Variants in SERPINB5 observed in about 807,000 individuals in gnomAD.
The protein encoded by SERPINB5 is serpin B5.
In SERPINB5, 27 loss-of-function variants were observed where a neutral mutation model predicts 32.2. The ratio of observed to expected loss-of-function variants is 0.84; its 90% CI spans 0.62 to 1.16. SERPINB5 has a LOEUF of 1.16. Ranked by LOEUF, SERPINB5 falls within the 50% of genes most tolerant of loss-of-function variation. The probability of loss-of-function intolerance (pLI) is 0.00; values close to 1 mark genes in which losing one functional copy is unlikely to be tolerated. For synonymous variants in SERPINB5, 154 were observed against 157.4 expected (o/e 0.98, Z 0.16); for missense variants, 388 against 436.3 (o/e 0.89, Z 0.99).
At chr18:63,502,127 T>A (rs1322687387) in intron 6 of SERPINB5, among the ~76,000 whole-genome samples, 3 of 145,700 alleles carry the variant, frequency 2.1e-5, no homozygotes, top group African/African-American at 7.7e-5. Context: ...CCTTTTGAGT[T>A]TTGGAAATGA....
intron 1 of SERPINB5, among the ~76,000 whole-genome samples, chr18:63,478,421 T>C (rs1189286428): frequency 1.3e-5 from 2 of 152,260 alleles, no homozygotes; most frequent in Non-Finnish European, 2.9e-5. Flanking sequence ...AGCTGTATTG[T>C]ACTTTCTTGC....
At chr18:63,497,005 C>A in intron 5 of SERPINB5, 1 of 528,786 alleles carries the variant, frequency 1.9e-6, no homozygotes, top group Non-Finnish European at 3.7e-6. Context: ...CCCACCGGGG[C>A]ATTACTTATT....
chr18:63,490,483 G>A (rs1404188243), intron 4 of SERPINB5: 1 of 152,216 alleles, frequency 6.6e-6, no homozygotes, highest in African/African-American at 2.4e-5. Context: ...TGCATCTGGA[G>A]GGACCCGTTG....
chr18:63,480,718 T>G lies in SERPINB5; in HGVS notation c.-8+3673T>G, dbSNP rs978777717. Among the ~76,000 whole-genome samples the G allele has an allele frequency of 2.0e-5, 3 of 152,236 alleles. No homozygotes were observed. The South Asian group carries it at 6.2e-4, about 31-fold the overall frequency. ...GCTACCTCAGACCAGATCAACTTTA[T>G]AGTGTTTTTAGGTCACTTGGGACTA... On this transcript the variant is annotated intron_variant, in intron 1 of 6. Transcript: ENST00000382771.
chr18:63,497,385 C>A (rs566865799), intron 5 of SERPINB5: 3 of 1,261,634 alleles, frequency 2.4e-6, no homozygotes, highest in Non-Finnish European at 3.4e-6. Context: ...CCTTCCTTAT[C>A]CTCTTCGCCA....
At chr18:63,486,320 T>G (rs1474411497) in intron 2 of SERPINB5, among the ~76,000 whole-genome samples, 1 of 152,088 alleles carries the variant, frequency 6.6e-6, no homozygotes, top group Non-Finnish European at 1.5e-5. Flanking sequence ...CCACCATTTA[T>G]TGTAGCTGCC....
chr18:63,490,794 A>T (rs1026538807), intron 4 of SERPINB5: 1 of 152,328 alleles, frequency 6.6e-6, no homozygotes, highest in South Asian at 2.1e-4. Flanking sequence ...AATGAGGCAC[A>T]TGTTACCTGA....
chr18:63,503,657 A>G lies in SERPINB5; in HGVS notation c.1063A>G (p.Ile355Val), dbSNP rs1909618230. 28 of 1,614,170 alleles carry G rather than the reference A, an allele frequency of 1.7e-5. No homozygotes were observed. The highest frequency in any genetic ancestry group is 2.4e-5 in the Non-Finnish European group (28 of 1,180,008). Reference protein sequence around the residue: ...KDELNADHPFIYIIRHNKTRN... With the variant: ...KDELNADHPFVYIIRHNKTRN... ...TGAATTGAATGCTGACCATCCCTTT[A>G]TTTACATCATCAGGCACAACAAAAC... The change falls in exon 7 of 7, where the codon ATT becomes GTT. Residue 355 changes from isoleucine (I) to valine (V), a missense_variant. Physicochemically the swap from Ile to Val is conservative, Grantham distance 29. Transcript: ENST00000382771.
At chr18:63,487,178 T>C (rs1376875301) in intron 3 of SERPINB5, 95 bp downstream of exon 3, 10 of 1,216,262 alleles carry the variant, frequency 8.2e-6, no homozygotes, top group Non-Finnish European at 1.2e-5. Flanking sequence ...GTGAAATTCC[T>C]TTCTAGGATG....
At chr18:63,502,557 A>G (rs1305095431) in intron 6 of SERPINB5, among the ~76,000 whole-genome samples, 1 of 152,154 alleles carries the variant, frequency 6.6e-6, no homozygotes, top group East Asian at 1.9e-4. Flanking sequence ...CTTTAATTTA[A>G]TTTTCTAAAT....
rs1296612446 is a variant in SERPINB5, at chr18:63,502,221, C to T, written c.736-1109C>T. Among the ~76,000 whole-genome samples, 6 of 151,664 alleles carry T rather than the reference C, an allele frequency of 4.0e-5. No homozygotes were observed. In the South Asian group the frequency reaches 1.0e-3, roughly 26 times the overall value. ...CATGATCTCAGCTCACTGCAAGCTC[C>T]GCCTCCTGGGTTCATGCCATTCTCC... On this transcript the variant is annotated intron_variant, in intron 6 of 6. Transcript: ENST00000382771.
Position 63,503,666 on chromosome 18 carries a change from A to T in SERPINB5, c.1072A>T (p.Ile358Phe). The change falls in exon 7 of 7, where the codon ATC (isoleucine) becomes TTC (phenylalanine). Residue 358 changes from isoleucine to phenylalanine, a missense_variant. Ile to Phe is a conservative substitution (Grantham distance 21). Coordinates refer to ENST00000382771, the MANE Select transcript of SERPINB5 (RefSeq NM_002639.5). ...TGCTGACCATCCCTTTATTTACATC[A>T]TCAGGCACAACAAAACTCGAAACAT... ...LNADHPFIYIIRHNKTRNIIF... is the reference protein window; with the variant it reads ...LNADHPFIYIFRHNKTRNIIF... 6.2e-7 allele frequency: 1 copy of T among 1,614,234 alleles called. No individual in the cohort carries two copies. Among genetic ancestry groups the T allele is most frequent in the South Asian group, 1.1e-5 (1 of 91,084 alleles).
chr18:63,497,997 G>C (rs1389944773), intron 5 of SERPINB5, among the ~76,000 whole-genome samples: 2 of 152,198 alleles, frequency 1.3e-5, no homozygotes, highest in Non-Finnish European at 2.9e-5. Flanking sequence ...TGGCAGTACA[G>C]TGGGGAGTGG....
At chr18:63,481,495 G>A (rs1345007565) in intron 1 of SERPINB5, among the ~76,000 whole-genome samples, 1 of 152,242 alleles carries the variant, frequency 6.6e-6, no homozygotes, top group Non-Finnish European at 1.5e-5. Flanking sequence ...AGCAGTTTGT[G>A]TGTTTTCATA....
intron 1 of SERPINB5, among the ~76,000 whole-genome samples, chr18:63,484,038 CTT>C (rs1367813313): frequency 3.9e-5 from 6 of 152,194 alleles, no homozygotes; most frequent in Non-Finnish European, 8.8e-5. Context: ...AAAGTTTTAA[CTT>C]TGTAGTTTAA....
intron 4 of SERPINB5, among the ~76,000 whole-genome samples, chr18:63,491,458 G>T (rs1909336278): frequency 6.8e-6 from 1 of 146,000 alleles, no homozygotes; most frequent in Non-Finnish European, 1.5e-5. Context: ...CATCTAGGTT[G>T]CTGTGAATGC....
intron 1 of SERPINB5, chr18:63,477,285 C>T (rs1018606795): frequency 7.9e-5 from 12 of 152,232 alleles, no homozygotes; most frequent in Admixed American, 7.8e-4. Flanking sequence ...ATCACTTAAC[C>T]ATACAAGGTA....
chr18:63,486,577 C>T (rs557459315), intron 2 of SERPINB5: 22 of 173,224 alleles, frequency 1.3e-4, no homozygotes, highest in South Asian at 5.4e-4. Context: ...CAAATGTTCT[C>T]GATGGTTGAT....
At chr18:63,493,132 A>G (rs774083638) in intron 5 of SERPINB5, 37 bp downstream of exon 5, 40 of 1,613,546 alleles carry the variant, frequency 2.5e-5, no homozygotes, top group South Asian at 3.3e-5. Context: ...AAGGAGCCCA[A>G]TTATAGATGT....
Sources: allele counts gnomAD v4.1 joint callset (sites outside exome capture counted in the v4.1 genomes callset), GRCh38; gene constraint gnomAD v4.1.1; transcripts MANE v1.5; gene names NCBI Gene and HGNC (gene_info 2026-07-23, HGNC 2026-07-21).